Variants in ZNF512B observed in about 807,000 individuals in gnomAD.
ZNF512B encodes zinc finger protein 512B.
A neutral mutation model predicts 87.8 loss-of-function variants in ZNF512B; 22 were observed. The observed-to-expected ratio is 0.25, with a 90% CI of 0.18 to 0.36. The LOEUF is 0.36. ZNF512B is among the 10% of genes least tolerant of loss of function. The pLI, the probability that ZNF512B is intolerant of heterozygous loss-of-function variation, is 1.00. For missense variants in ZNF512B, 1,060 were observed against 1,231.6 expected (o/e 0.86, Z 2.09); for synonymous variants, 524 against 490.9 (o/e 1.07, Z -0.89).
intron 16 of ZNF512B, among the ~76,000 whole-genome samples, chr20:63,960,400 C>T (rs1182047351): frequency 3.4e-5 from 5 of 146,976 alleles, no homozygotes; most frequent in South Asian, 4.5e-4. Context: ...ACACAGCCTT[C>T]GGGACCAGGC....
chr20:63,969,126 C>A (rs1260546510), intron 1 of ZNF512B: 1 of 985,374 alleles, frequency 1.0e-6, no homozygotes, highest in Non-Finnish European at 1.2e-6. Flanking sequence ...TGGAAGTCCT[C>A]ACTTTGCAAC....
Position 63,966,619 on chromosome 20 carries a change from C to T in ZNF512B, c.556G>A (p.Val186Ile), listed in dbSNP as rs376747286. ...ISRPVTISRPVGVSKPIGVSK... is the reference protein window; with the variant it reads ...ISRPVTISRPIGVSKPIGVSK... Reference sequence around the variant, plus strand: ...ACTCCGATGGGCTTGCTGACCCCAACAGGCCGGCTGATGGTGACCGGCCTG... The same window carrying T: ...ACTCCGATGGGCTTGCTGACCCCAATAGGCCGGCTGATGGTGACCGGCCTG... Residue 186 changes from valine to isoleucine, a missense_variant, in exon 5 of 17, where the codon GTT becomes ATT. Coordinates refer to ENST00000369888, the MANE Select transcript of ZNF512B (RefSeq NM_020713.3). 1.1e-5 allele frequency: 18 copies of T among 1,613,374 alleles called. No individual in the cohort carries two copies. The highest frequency in any genetic ancestry group is 6.7e-5 in the Admixed American group (4 of 60,004).
intron 3 of ZNF512B, 75 bp from the exon 4 acceptor site, chr20:63,967,079 G>T: frequency 6.3e-7 from 1 of 1,592,130 alleles, no homozygotes. Flanking sequence ...CAGACTCAGA[G>T]CCCCCCCGGG....
chr20:63,966,261 G>T lies in ZNF512B; in HGVS notation c.914C>A (p.Pro305Gln). 1 of 1,613,996 alleles carries T rather than the reference G, an allele frequency of 6.2e-7. No individual in the cohort carries two copies. Among genetic ancestry groups the T allele is most frequent in the Non-Finnish European group, 8.5e-7 (1 of 1,180,028 alleles). ...AGCAATGGGCCTGCTGACTGTCACC[G>T]GCTTGCTGACCACAATGGGCCTGCT... is the stretch of plus-strand genomic sequence containing the variant. ...TVSRPIVVSK[P>Q]VTVSRPIAIS... Residue 305 changes from proline (P) to glutamine (Q), a missense_variant, in exon 5 of 17, where the codon CCG becomes CAG. By Grantham distance (76) the Pro-to-Gln change is moderately conservative. Transcript: ENST00000369888.
chr20:63,967,419 G>A lies in ZNF512B; in HGVS notation c.226C>T (p.Arg76Trp), dbSNP rs567244765. The A allele has an allele frequency of 1.9e-6, 3 of 1,612,840 alleles. No individual in the cohort carries two copies. The highest frequency in any genetic ancestry group is 2.5e-6 in the Non-Finnish European group (3 of 1,179,298). Residue 76 changes from arginine (R) to tryptophan (W), a missense_variant, in exon 3 of 17, where the codon CGG (arginine) becomes TGG (tryptophan). Physicochemically the swap from Arg to Trp is moderately radical, Grantham distance 101. Coordinates refer to ENST00000369888, the MANE Select transcript of ZNF512B (RefSeq NM_020713.3). ...AGGGCCTGGTTCTCGGCTTTTGGCC[G>A]CCCCTTTTTCTTCCCTTCTGTCTTG... ...SDKTEGKKKG[R>W]PKAENQALRD...
chr20:63,959,607 C>T lies in ZNF512B; in HGVS notation c.*281G>A, dbSNP rs1420732326. 2 of 455,336 alleles carry T rather than the reference C, an allele frequency of 4.4e-6. No individual in the cohort carries two copies. The highest frequency in any genetic ancestry group is 7.7e-6 in the Non-Finnish European group (2 of 260,662). 28.2% of individuals were successfully genotyped at this position (455,336 alleles called of 1,614,324 possible). On this transcript the variant is annotated 3_prime_UTR_variant, in exon 17 of 17. Coordinates refer to ENST00000369888, the MANE Select transcript of ZNF512B (RefSeq NM_020713.3). ...CTCTGCGCTGCAGCCCCTGTGGCAC[C>T]AAGACCCCAGACACATTCCCATGAG...
In ZNF512B at chr20:63,963,830, T is replaced by A; in HGVS notation, c.1564A>T (p.Thr522Ser). 5 of 1,612,680 alleles carry A rather than the reference T, an allele frequency of 3.1e-6. No homozygotes were observed. In the South Asian group the frequency reaches 5.5e-5, roughly 18 times the overall value. Residue 522 changes from threonine to serine, a missense_variant, in exon 9 of 17, where the codon ACT becomes TCT. Physicochemically the swap from Thr to Ser is moderately conservative, Grantham distance 58. Around this residue, in one of 9 missense-constraint regions of ZNF512B, gnomAD observed 37 missense variants for 72.6 expected, o/e 0.51. Transcript: ENST00000369888. ...ATGTGCTTCTTAAGCCCCACGAGAG[T>A]CTTCCGGGTGACCACGTTGCAGGTG... ...CPTCNVVTRKTLVGLKKHMEV... is the reference protein window; with the variant it reads ...CPTCNVVTRKSLVGLKKHMEV...
chr20:63,963,861 G>GA lies in ZNF512B; in HGVS notation c.1532dup (p.Cys512LeufsTer16), dbSNP rs2058888314. 6.2e-7 allele frequency: 1 copy of GA among 1,612,536 alleles called. No individual in the cohort carries two copies. Among genetic ancestry groups the GA allele is most frequent in the African/African-American group, 1.3e-5 (1 of 74,954 alleles). On this transcript the variant is annotated frameshift_variant, in exon 9 of 17. Coordinates refer to ENST00000369888, the MANE Select transcript of ZNF512B (RefSeq NM_020713.3). LOFTEE classifies it high-confidence loss of function. ...GGGTGACCACGTTGCAGGTGGGGCA[G>GA]ACGGCTTCCCCGCGCTCATGGATGG... is the stretch of plus-strand genomic sequence containing the variant.
rs2058739520 is a variant in ZNF512B at position 63,957,111 on chromosome 20, G to A, written c.*2777C>T. The A allele has an allele frequency of 6.6e-6, 1 of 152,508 alleles. No homozygotes were observed. Among genetic ancestry groups the A allele is most frequent in the South Asian group, 2.1e-4 (1 of 4,834 alleles). The allele number at this position is 152,508 out of a possible 1,614,324, so 9.4% of individuals were successfully genotyped here. A position where few individuals can be genotyped will look rare whatever the true frequency, so the allele number is the denominator to read the frequency against. On this transcript the variant is annotated 3_prime_UTR_variant, in exon 17 of 17. Coordinates refer to ENST00000369888, the MANE Select transcript of ZNF512B (RefSeq NM_020713.3). ...ACGGGGACGGCCCCTCCCGGGGTCA[G>A]GCTCACTGGCTCCTTCCCTTCAGCG...
rs76865724 is a variant in ZNF512B at position 63,961,472 on chromosome 20, C to T, written c.2329-65G>A. Reference sequence around the variant, plus strand: ...GACCCAGATCTGTCCTAAGCCCCTACTCATGGCTAAAGGGTCAGAGTCAGC... The same window carrying T: ...GACCCAGATCTGTCCTAAGCCCCTATTCATGGCTAAAGGGTCAGAGTCAGC... On this transcript the variant is annotated intron_variant, in intron 15 of 16. Coordinates refer to ENST00000369888, the MANE Select transcript of ZNF512B (RefSeq NM_020713.3). This position sits in a 1 kb window ranked among gnomAD's most constrained non-coding sequence, Gnocchi z 6.4. 1,115 of 1,486,518 alleles carry T rather than the reference C, an allele frequency of 7.5e-4. 13 individuals carry two copies. The East Asian group carries it at 0.024, about 32-fold the overall frequency. The allele number at this position is 1,486,518 out of a possible 1,614,324, so 92.1% of individuals were successfully genotyped here.
intron 3 of ZNF512B, 65 bp from the exon 4 acceptor site, chr20:63,967,069 C>G: frequency 5.0e-6 from 8 of 1,602,568 alleles, no homozygotes; most frequent in Non-Finnish European, 6.0e-6. Flanking sequence ...GCCCGAGCCC[C>G]AGACTCAGAG....
intron 1 of ZNF512B, among the ~76,000 whole-genome samples, chr20:63,968,299 C>T (rs929539600): frequency 7.7e-4 from 117 of 152,196 alleles, no homozygotes; most frequent in Non-Finnish European, 2.5e-4. Flanking sequence ...AAGATGATGC[C>T]GAAGGTGATG....
In ZNF512B at chr20:63,967,841, G is replaced by A; in HGVS notation, c.110C>T (p.Pro37Leu). The change falls in exon 2 of 17, where the codon CCA becomes CTA. Residue 37 changes from proline to leucine, a missense_variant. By Grantham distance (98) the Pro-to-Leu change is moderately conservative. This residue lies in a region of ZNF512B where 134 missense variants were observed against 153.6 expected (regional missense o/e 0.87). Coordinates refer to ENST00000369888, the MANE Select transcript of ZNF512B (RefSeq NM_020713.3). Reference sequence around the variant, plus strand: ...CTGACTCCTCTTACCCATCTTCGGTGGGTCATGCAGCATTGGAAGTCGGAC... The same window carrying A: ...CTGACTCCTCTTACCCATCTTCGGTAGGTCATGCAGCATTGGAAGTCGGAC... ...KEVRLPMLHD[P>L]PKMGMPVVRG... The A allele has an allele frequency of 6.2e-7, 1 of 1,612,374 alleles. No individual in the cohort carries two copies. Among genetic ancestry groups the A allele is most frequent in the African/African-American group, 1.3e-5 (1 of 75,034 alleles).
Position 63,959,985 on chromosome 20 carries a change from G to A in ZNF512B, c.2582C>T (p.Pro861Leu). 7 of 1,612,912 alleles carry A rather than the reference G, an allele frequency of 4.3e-6. No individual in the cohort carries two copies. Among genetic ancestry groups the A allele is most frequent in the Non-Finnish European group, 5.9e-6 (7 of 1,180,002 alleles). The change falls in exon 17 of 17, where the codon CCC (proline) becomes CTC (leucine). Residue 861 changes from proline to leucine, a missense_variant. This residue lies in a region of ZNF512B where 253 missense variants were observed against 259.2 expected (regional missense o/e 0.98). Coordinates refer to ENST00000369888, the MANE Select transcript of ZNF512B (RefSeq NM_020713.3). ...RTPEEPVAKLPPRRDDWPPGC... is the reference protein window; with the variant it reads ...RTPEEPVAKLLPRRDDWPPGC... ...TGGAGGCCAGTCGTCCCGGCGCGGG[G>A]GCAGCTTGGCCACAGGCTCCTCTGG... is the stretch of plus-strand genomic sequence containing the variant.
chr20:63,964,646 G>T lies in ZNF512B; in HGVS notation c.1105C>A (p.Pro369Thr). The change falls in exon 6 of 17, where the codon CCC (proline) becomes ACC (threonine). Residue 369 changes from proline (P) to threonine (T), a missense_variant. Physicochemically the swap from Pro to Thr is conservative, Grantham distance 38 (BLOSUM62 -1). Transcript: ENST00000369888. ...QARPENGEYG[P>T]SSMGQSSAFQ... Reference sequence around the variant, plus strand: ...GCCGAGCTCTGGCCCATGGAGGAGGGGCCGTACTCCCCATTCTCTGGCCTG... The same window carrying T: ...GCCGAGCTCTGGCCCATGGAGGAGGTGCCGTACTCCCCATTCTCTGGCCTG... 1 of 1,612,662 alleles carries T rather than the reference G, an allele frequency of 6.2e-7. No individual in the cohort carries two copies. Among genetic ancestry groups the T allele is most frequent in the Non-Finnish European group, 8.5e-7 (1 of 1,179,984 alleles).
Position 63,961,158 on chromosome 20 carries a change from G to A in ZNF512B, c.2427+151C>T. On this transcript the variant is annotated intron_variant, in intron 16 of 16. Transcript: ENST00000369888. The surrounding 1 kb of genome is among the most constrained non-coding windows in gnomAD (Gnocchi z 6.4). ...CAGGGAAGCCAGACCCCACTTTGAG[G>A]AGAAACTACCAGATTTCTCCACATT... 1.4e-6 allele frequency: 1 copy of A among 708,700 alleles called. No individual in the cohort carries two copies. Among genetic ancestry groups the A allele is most frequent in the Middle Eastern group, 3.3e-4 (1 of 3,002 alleles). The allele number at this position is 708,700 out of a possible 1,614,324, so 43.9% of individuals were successfully genotyped here. A position where few individuals can be genotyped will look rare whatever the true frequency, so the allele number is the denominator to read the frequency against.
At chr20:63,969,269 C>G (rs886186930) in intron 1 of ZNF512B, 257 of 826,570 alleles carry the variant, frequency 3.1e-4, no homozygotes, top group Non-Finnish European at 3.5e-4. Flanking sequence ...AATAGTGGGG[C>G]CTGAGGCCAG....
In ZNF512B at chr20:63,962,599, G is replaced by A. The variant is rs576813533; in HGVS notation, c.2151C>T (p.Pro717=). 87 of 1,605,936 alleles carry A rather than the reference G, an allele frequency of 5.4e-5. No individual in the cohort carries two copies. In the Admixed American group the frequency reaches 8.7e-4, roughly 16 times the overall value. Reference sequence around the variant, plus strand: ...GGGGGCAGCTCACCCGTGCGGTCTCGGGCACAAGGTCATCCTTCATGCGCC... The same window carrying A: ...GGGGGCAGCTCACCCGTGCGGTCTCAGGCACAAGGTCATCCTTCATGCGCC... ...TKRRMKDDLV[P]ETARLNYTRP... is the part of the protein sequence containing the mutation. Residue 717 remains proline (P), a synonymous_variant, in exon 13 of 17, where the codon CCC becomes CCT. Transcript: ENST00000369888.
At position 63,958,625 on chromosome 20, in the gene ZNF512B, C is replaced by T. The variant is rs2058819798; in HGVS notation, c.*1263G>A. ...GAAGGCAGGACCCCAGGGAGGGAGC[C>T]ACAGGCTGTGGCCACCTCTTCCAGG... is the stretch of plus-strand genomic sequence containing the variant. On this transcript the variant is annotated 3_prime_UTR_variant, in exon 17 of 17. Transcript: ENST00000369888. 6.6e-6 allele frequency: 1 copy of T among 152,086 alleles called. No individual in the cohort carries two copies. Among genetic ancestry groups the T allele is most frequent in the Non-Finnish European group, 1.5e-5 (1 of 68,026 alleles). The allele number at this position is 152,086 out of a possible 1,614,324, so 9.4% of individuals were successfully genotyped here.
Sources: allele counts gnomAD v4.1 joint callset (sites outside exome capture counted in the v4.1 genomes callset), GRCh38; gene constraint gnomAD v4.1.1; regional missense constraint gnomAD v4.1.1; non-coding constraint Gnocchi (gnomAD v3.1); transcripts MANE v1.5; gene names NCBI Gene and HGNC (gene_info 2026-07-23, HGNC 2026-07-21).